The following ANKS1A variants were observed in gnomAD, a reference collection of about 807,000 sequenced individuals.
ANKS1A encodes the protein ankyrin repeat and sterile alpha motif domain containing 1A, also known as ankyrin repeat and SAM domain-containing protein 1A.
In ANKS1A, 55 loss-of-function variants were observed where a neutral mutation model predicts 120.3. The ratio of observed to expected loss-of-function variants is 0.46; its 90% CI spans 0.37 to 0.57. The LOEUF is 0.57. ANKS1A is among the 20% of genes least tolerant of loss of function. The probability of loss-of-function intolerance (pLI) is 0.00; values close to 1 mark genes in which losing one functional copy is unlikely to be tolerated. For missense variants in ANKS1A, 1,123 were observed against 1,480.3 expected, an observed-to-expected ratio of 0.76 and a Z score of 3.96; for synonymous variants, 590 against 604.7, an observed-to-expected ratio of 0.98 and a Z score of 0.36.
At chr6:34,998,897 C>T (rs1287185178) in intron 10 of ANKS1A, among the ~76,000 whole-genome samples, 4 of 152,186 alleles carry the variant, frequency 2.6e-5, no homozygotes, top group East Asian at 1.9e-4. Context: ...GCTCCTTAGG[C>T]GACTTTAGCC....
intron 10 of ANKS1A, among the ~76,000 whole-genome samples, chr6:35,016,262 C>T (rs1482523243): frequency 1.3e-5 from 2 of 152,190 alleles, no homozygotes; most frequent in Non-Finnish European, 2.9e-5. Context: ...GACTCCTCAT[C>T]TGTAAACATA....
At chr6:34,930,938 A>G (rs1249954642) in intron 1 of ANKS1A, among the ~76,000 whole-genome samples, 1 of 149,756 alleles carries the variant, frequency 6.7e-6, no homozygotes, top group East Asian at 2.0e-4. Context: ...AGCGCAATGC[A>G]AGATCTCAGC....
At chr6:34,962,681 C>G (rs1770699982) in intron 1 of ANKS1A, among the ~76,000 whole-genome samples, 1 of 151,640 alleles carries the variant, frequency 6.6e-6, no homozygotes, top group Admixed American at 6.6e-5. Context: ...CCCAGCTACT[C>G]AGGAGGCTGA....
In ANKS1A at chr6:35,082,846, C is replaced by G; in HGVS notation, c.2835+30C>G. The stretch of plus-strand genomic sequence containing the variant: ...GTTGCTCCCACCCTCCCAGCAGGGC[C>G]GGCCTCCCTGCTCCTTCTCGGCCAG... On this transcript the variant is annotated intron_variant, in intron 18 of 23. Transcript: ENST00000360359. The surrounding 1 kb of genome is among the most constrained non-coding windows in gnomAD (Gnocchi z 4.1). 1 of 1,597,754 alleles carries G rather than the reference C, an allele frequency of 6.3e-7. No individual in the cohort carries two copies. The highest frequency in any genetic ancestry group is 2.2e-5 in the East Asian group (1 of 44,774).
rs1476277054 is a variant in ANKS1A at position 35,082,188 on chromosome 6, C to T, written c.2710-503C>T. Among the ~76,000 whole-genome samples the T allele has an allele frequency of 1.3e-5, 2 of 152,076 alleles. No individual in the cohort carries two copies. Among genetic ancestry groups the T allele is most frequent in the Non-Finnish European group, 2.9e-5 (2 of 68,006 alleles). Reference sequence around the variant, plus strand: ...CTCACCTGGACCGCAGTGGCCTCCCCCACCCCCTAGCTGCTGCCAGAAGGA... The same window carrying T: ...CTCACCTGGACCGCAGTGGCCTCCCTCACCCCCTAGCTGCTGCCAGAAGGA... On this transcript the variant is annotated intron_variant, in intron 17 of 23. Coordinates refer to ENST00000360359, the MANE Select transcript of ANKS1A (RefSeq NM_015245.3). This position sits in a 1 kb window ranked among gnomAD's most constrained non-coding sequence, Gnocchi z 4.1.
chr6:35,059,643 C>T (rs992132290), intron 12 of ANKS1A, among the ~76,000 whole-genome samples: 2 of 152,178 alleles, frequency 1.3e-5, no homozygotes, highest in African/African-American at 4.8e-5. Flanking sequence ...GCTGCAAGGT[C>T]GCAGAACTTG....
intron 11 of ANKS1A, among the ~76,000 whole-genome samples, chr6:35,021,596 A>G (rs1285650371): frequency 1.3e-5 from 2 of 152,218 alleles, no homozygotes; most frequent in Non-Finnish European, 2.9e-5. Flanking sequence ...TAGCATGCAT[A>G]AAGTGTTGAC....
chr6:35,075,627 G>C (rs1777310270), intron 13 of ANKS1A, among the ~76,000 whole-genome samples: 2 of 152,028 alleles, frequency 1.3e-5, no homozygotes, highest in South Asian at 4.1e-4. Context: ...TGTTGGTCAG[G>C]CTGGTCTCGA....
intron 1 of ANKS1A, among the ~76,000 whole-genome samples, chr6:34,918,860 A>AT (rs1768299023): frequency 6.6e-6 from 1 of 151,484 alleles, no homozygotes; most frequent in Non-Finnish European, 1.5e-5. Context: ...TTTTTATTTA[A>AT]TTTTTTATTG....
intron 13 of ANKS1A, among the ~76,000 whole-genome samples, chr6:35,077,855 G>C (rs1372421763): frequency 6.6e-6 from 1 of 152,188 alleles, no homozygotes. Flanking sequence ...TGCGCCAGGT[G>C]AAAGCTCTCG....
intron 10 of ANKS1A, among the ~76,000 whole-genome samples, chr6:35,008,205 C>T (rs1328547742): frequency 6.8e-6 from 1 of 147,086 alleles, no homozygotes. Flanking sequence ...TCAGCAGCTT[C>T]CTCTTCTCTC....
intron 11 of ANKS1A, among the ~76,000 whole-genome samples, 200 bp downstream of exon 11, chr6:35,018,259 A>G (rs1581653328): frequency 6.6e-6 from 1 of 152,212 alleles, no homozygotes; most frequent in Non-Finnish European, 1.5e-5. Flanking sequence ...CAGGTCCTTA[A>G]TGGTTAAATT....
chr6:35,004,211 T>C (rs567440237), intron 10 of ANKS1A, among the ~76,000 whole-genome samples: 98 of 152,280 alleles, frequency 6.4e-4, no homozygotes, highest in African/African-American at 2.3e-3. Context: ...AGCTCGGATT[T>C]TAAGACACTA....
intron 1 of ANKS1A, among the ~76,000 whole-genome samples, chr6:34,940,045 T>C (rs1189489855): frequency 1.3e-5 from 2 of 152,146 alleles, no homozygotes; most frequent in African/African-American, 2.4e-5. Context: ...ATTTCCAGAG[T>C]TGGTTTCTCA....
chr6:35,023,516 A>C (rs1774457107), intron 11 of ANKS1A: 2 of 326,358 alleles, frequency 6.1e-6, no homozygotes, highest in Non-Finnish European at 1.3e-5. Context: ...GTGGCAGTAG[A>C]GTCATGGCGG....
intron 1 of ANKS1A, among the ~76,000 whole-genome samples, chr6:34,891,265 G>A (rs1766809324): frequency 6.6e-6 from 1 of 152,178 alleles, no homozygotes; most frequent in Non-Finnish European, 1.5e-5. Flanking sequence ...TTAGGCAACA[G>A]GAGAAGAACT....
Position 35,086,045 on chromosome 6 carries a change from C to G in ANKS1A, c.3303+109C>G. On this transcript the variant is annotated intron_variant, in intron 22 of 23. Coordinates refer to ENST00000360359, the MANE Select transcript of ANKS1A (RefSeq NM_015245.3). The surrounding 1 kb of genome is among the most constrained non-coding windows in gnomAD (Gnocchi z 5.1). ...TTCTGGCACTTCCAGAAAGCTGGCC[C>G]TCCAGGGAAATGACCCTCTTAATTG... 7.1e-7 allele frequency: 1 copy of G among 1,409,900 alleles called. No homozygotes were observed. The allele number at this position is 1,409,900 out of a possible 1,614,324, so 87.3% of individuals were successfully genotyped here. A position where few individuals can be genotyped will look rare whatever the true frequency, so the allele number is the denominator to read the frequency against.
chr6:34,895,805 T>C (rs1233102663), intron 1 of ANKS1A, among the ~76,000 whole-genome samples: 5 of 139,336 alleles, frequency 3.6e-5, no homozygotes, highest in Non-Finnish European at 7.7e-5. Context: ...TTTTTTTTTT[T>C]CTGAGACAGT....
intron 8 of ANKS1A, 102 bp downstream of exon 8, chr6:34,985,380 C>A: frequency 1.6e-6 from 2 of 1,235,748 alleles, no homozygotes; most frequent in East Asian, 2.4e-5. Flanking sequence ...GGTGCCAGCT[C>A]ATGTTTCCGG....
Sources: gnomAD v4.1 joint callset for allele counts (sites outside exome capture counted in the v4.1 genomes callset) on GRCh38, gnomAD v4.1.1 for gene constraint, Gnocchi (gnomAD v3.1) non-coding constraint, MANE v1.5 for transcripts, NCBI Gene and HGNC (gene_info 2026-07-23, HGNC 2026-07-21) for gene names.